Variants in OR56B2 observed in about 807,000 individuals in gnomAD.
The protein encoded by OR56B2 is olfactory receptor 56B2.
At chr11:5,765,801 C>G in the OR56B2 span, 1 of 140,476 alleles carries the variant, frequency 7.1e-6, no homozygotes. Flanking sequence ...TGTCCTGAAG[C>G]TGAACTCTCC....
chr11:5,764,428 A>G, the OR56B2 span, among the ~76,000 whole-genome samples: 1 of 140,848 alleles, frequency 7.1e-6, no homozygotes, highest in African/African-American at 2.6e-5. Flanking sequence ...ACTACAACCA[A>G]CTGAATTTAC....
At chr11:5,767,971 A>G in the OR56B2 span, among the ~76,000 whole-genome samples, 1 of 140,020 alleles carries the variant, frequency 7.1e-6, no homozygotes, top group African/African-American at 2.6e-5. Context: ...TAATGGAAAT[A>G]TTGTGAAATT....
the OR56B2 span, among the ~76,000 whole-genome samples, chr11:5,768,946 TAAAAGA>T: frequency 1.4e-5 from 2 of 139,220 alleles, no homozygotes; most frequent in Non-Finnish European, 3.2e-5. Flanking sequence ...AAATTGTATA[TAAAAGA>T]AAAAGTATCA....
chr11:5,768,853 C>T, the OR56B2 span, among the ~76,000 whole-genome samples: 5 of 138,390 alleles, frequency 3.6e-5, 1 homozygote, highest in Admixed American at 1.5e-4. Flanking sequence ...TTTGAATGTG[C>T]TTAATATAAA....
chr11:5,764,679 T>C, the OR56B2 span, among the ~76,000 whole-genome samples: 3 of 139,728 alleles, frequency 2.1e-5, no homozygotes, highest in African/African-American at 7.9e-5. Context: ...AAGGCCTCCA[T>C]GCATAAAAAA....
At chr11:5,763,525 G>A in the OR56B2 span, among the ~76,000 whole-genome samples, 28 of 139,800 alleles carry the variant, frequency 2.0e-4, 4 homozygotes, top group African/African-American at 7.3e-4. Flanking sequence ...TGTTGGCCAG[G>A]ATGGTCTCAA....
At chr11:5,762,774 T>C in the OR56B2 span, among the ~76,000 whole-genome samples, 1 of 152,042 alleles carries the variant, frequency 6.6e-6, no homozygotes, top group Admixed American at 6.6e-5. Flanking sequence ...AGAAAAAATC[T>C]ATATCACTGC....
At chr11:5,766,545 T>C in the OR56B2 span, 1 of 140,112 alleles carries the variant, frequency 7.1e-6, no homozygotes, top group Non-Finnish European at 1.6e-5. Context: ...TAAGATTATA[T>C]GCAAATGTCC....
the OR56B2 span, among the ~76,000 whole-genome samples, chr11:5,768,729 T>C: frequency 3.6e-5 from 5 of 140,100 alleles, no homozygotes; most frequent in African/African-American, 1.3e-4. Flanking sequence ...ATATTTGTTA[T>C]ATAACTTTCT....
chr11:5,762,190 T>C, the OR56B2 span, among the ~76,000 whole-genome samples: 25,731 of 152,016 alleles, frequency 0.17, 2,328 homozygotes, highest in East Asian at 0.25. Flanking sequence ...TTTTCTAAGA[T>C]AGATGCCACA....
the OR56B2 span, chr11:5,766,119 C>G: frequency 5.0e-5 from 7 of 140,006 alleles, no homozygotes; most frequent in Non-Finnish European, 1.1e-4. Context: ...ATCATATTCT[C>G]CAACTGCTGC....
chr11:5,764,448 G>A, the OR56B2 span, among the ~76,000 whole-genome samples: 1 of 140,680 alleles, frequency 7.1e-6, no homozygotes, highest in Non-Finnish European at 1.6e-5. Context: ...CAGAACACTG[G>A]TATTTCCAAA....
At chr11:5,768,807 G>T in the OR56B2 span, among the ~76,000 whole-genome samples, 3 of 139,800 alleles carry the variant, frequency 2.1e-5, 1 homozygote, top group Non-Finnish European at 3.2e-5. Flanking sequence ...AACACATAAT[G>T]TGCCTTTATT....
chr11:5,764,896 T>C, the OR56B2 span, among the ~76,000 whole-genome samples: 2 of 139,836 alleles, frequency 1.4e-5, 1 homozygote, highest in East Asian at 4.1e-4. Flanking sequence ...ACCTACCTTA[T>C]AGAGTATTAC....
chr11:5,764,952 A>T, the OR56B2 span: 1 of 140,816 alleles, frequency 7.1e-6, no homozygotes, highest in Non-Finnish European at 1.6e-5. Flanking sequence ...AATATCACAT[A>T]GGATAATACA....
chr11:5,767,504 TGATA>T, the OR56B2 span: 5 of 139,652 alleles, frequency 3.6e-5, 1 homozygote, highest in African/African-American at 1.3e-4. Flanking sequence ...CTATATGAGA[TGATA>T]GATATACTAA....
At chr11:5,763,448 G>A in the OR56B2 span, among the ~76,000 whole-genome samples, 1 of 138,832 alleles carries the variant, frequency 7.2e-6, no homozygotes, top group Admixed American at 7.4e-5. Context: ...TGAGTAACTG[G>A]GGCTACAGGC....
the OR56B2 span, among the ~76,000 whole-genome samples, chr11:5,763,070 C>T: frequency 6.6e-6 from 1 of 151,898 alleles, no homozygotes; most frequent in African/African-American, 2.4e-5. Context: ...AAGTTTCTTT[C>T]AAAAATAGTA....
chr11:5,766,012 T>G, the OR56B2 span: 266 of 140,718 alleles, frequency 1.9e-3, 48 homozygotes, highest in Non-Finnish European at 5.4e-4. Context: ...AACAAGGAAC[T>G]CAGGCAAGGC....
Sources: gnomAD v4.1 joint callset for allele counts (sites outside exome capture counted in the v4.1 genomes callset) on GRCh38, gnomAD v4.1.1 for gene constraint, MANE v1.5 for transcripts, NCBI Gene and HGNC (gene_info 2026-07-23, HGNC 2026-07-21) for gene names.